Variants in ELF2 observed in about 807,000 individuals in gnomAD.
ELF2 encodes the protein ETS-related transcription factor Elf-2.
In ELF2, 11 loss-of-function variants were observed where a neutral mutation model predicts 54.8. The ratio of observed to expected loss-of-function variants is 0.20; its 90% CI spans 0.13 to 0.33. The LOEUF is 0.33. ELF2 is among the 10% of genes least tolerant of loss of function. The pLI is 1.00. For synonymous variants in ELF2, 203 were observed against 245.1 expected (o/e 0.83, Z 1.61); for missense variants, 513 against 703.0 (o/e 0.73, Z 3.06).
At chr4:139,066,079 T>A (rs1371647683) in intron 7 of ELF2, 1 of 142,508 alleles carries the variant, frequency 7.0e-6, no homozygotes, top group African/African-American at 2.6e-5. Context: ...CTGGAGACAA[T>A]TTTTTTTAAA....
At chr4:139,064,736 C>T (rs373208397) in intron 7 of ELF2, among the ~76,000 whole-genome samples, 36 of 151,968 alleles carry the variant, frequency 2.4e-4, no homozygotes, top group Non-Finnish European at 3.7e-4. Flanking sequence ...AAAAATTAGC[C>T]GGGCGTGGTG....
chr4:139,066,719 A>G (rs2148677346), intron 7 of ELF2: 1 of 150,768 alleles, frequency 6.6e-6, no homozygotes, highest in East Asian at 2.0e-4. Flanking sequence ...CAAGACCCCC[A>G]TCTCTTAAAA....
chr4:139,137,414 T>C (rs984520394), intron 3 of ELF2: 3 of 586,590 alleles, frequency 5.1e-6, no homozygotes, highest in East Asian at 5.6e-5. Flanking sequence ...TCCAAGTTCA[T>C]TCTAATATAT....
At chr4:139,083,989 C>A (rs1175475916) in intron 4 of ELF2, 5 of 1,354,668 alleles carry the variant, frequency 3.7e-6, no homozygotes, top group African/African-American at 2.9e-5. Flanking sequence ...TTCATTCACT[C>A]CCCCCTTTCC....
chr4:139,157,122 G>C (rs1161106685), intron 1 of ELF2, among the ~76,000 whole-genome samples: 1 of 152,092 alleles, frequency 6.6e-6, no homozygotes, highest in Non-Finnish European at 1.5e-5. Flanking sequence ...TACACACCTA[G>C]GCTACACAAT....
In ELF2 at chr4:139,084,410, ACGGCAGGGGCAGGGG is replaced by A. The variant is rs1291087720; in HGVS notation, c.239-10858_239-10844del. The A allele has an allele frequency of 9.7e-4, 1,257 of 1,298,968 alleles. 2 individuals carry two copies. The highest frequency in any genetic ancestry group is 8.9e-3 in the African/African-American group (585 of 65,436). The allele number at this position is 1,298,968 out of a possible 1,614,324, so 80.5% of individuals were successfully genotyped here. On this transcript the variant is annotated intron_variant, in intron 4 of 9. Transcript: ENST00000686138. ...CCGGGCTGAGAAACCCCACCACCTA[ACGGCAGGGGCAGGGG>A]CGGCAGGGGCAGGGGCGGCGGCGGC...
intron 4 of ELF2, among the ~76,000 whole-genome samples, chr4:139,117,203 C>T (rs968121584): frequency 1.3e-5 from 2 of 152,090 alleles, no homozygotes; most frequent in Non-Finnish European, 2.9e-5. Flanking sequence ...CACTTGACAG[C>T]CAATGTTTAT....
intron 4 of ELF2, among the ~76,000 whole-genome samples, chr4:139,123,866 T>C (rs1479971972): frequency 6.6e-6 from 1 of 152,212 alleles, no homozygotes; most frequent in Non-Finnish European, 1.5e-5. Flanking sequence ...CAAAATACTT[T>C]TAACTGTTCT....
At chr4:139,175,350 A>C (rs1260955266) in intron 1 of ELF2, among the ~76,000 whole-genome samples, 1 of 152,234 alleles carries the variant, frequency 6.6e-6, no homozygotes, top group Non-Finnish European at 1.5e-5. Context: ...TAAATCACTA[A>C]ACTTAAAAAT....
chr4:139,130,402 C>T (rs1737373187), intron 3 of ELF2, among the ~76,000 whole-genome samples: 1 of 152,190 alleles, frequency 6.6e-6, no homozygotes, highest in African/African-American at 2.4e-5. Context: ...CATTACTTAA[C>T]ATAAATTGAT....
chr4:139,069,922 T>C (rs572777214), intron 6 of ELF2, among the ~76,000 whole-genome samples: 1 of 152,042 alleles, frequency 6.6e-6, no homozygotes, highest in South Asian at 2.1e-4. Flanking sequence ...TTATGGCTCA[T>C]TGTAGCCTCC....
At chr4:139,151,966 T>C (rs979375296) in intron 1 of ELF2, among the ~76,000 whole-genome samples, 24 of 152,296 alleles carry the variant, frequency 1.6e-4, no homozygotes, top group East Asian at 1.9e-4. Flanking sequence ...ATTACACCAA[T>C]CATATCTGAA....
chr4:139,157,188 T>C (rs550563472), intron 1 of ELF2, among the ~76,000 whole-genome samples: 1 of 152,300 alleles, frequency 6.6e-6, no homozygotes, highest in South Asian at 2.1e-4. Context: ...TACTGAATAC[T>C]ATAGACAACT....
chr4:139,063,349 C>T lies in ELF2; in HGVS notation c.614-1292G>A, dbSNP rs984339896. ...CTTTCTACTGATTACACCCAATAGA[C>T]GGAAGATAATGTTTAAAGGATTTCA... On this transcript the variant is annotated intron_variant, in intron 7 of 9. Coordinates refer to ENST00000686138, the MANE Select transcript of ELF2 (RefSeq NM_001331036.3). Among the ~76,000 whole-genome samples the T allele has an allele frequency of 5.3e-5, 8 of 152,062 alleles. No individual in the cohort carries two copies. The East Asian group carries it at 5.8e-4, about 11-fold the overall frequency.
chr4:139,094,092 G>T (rs915651729), intron 4 of ELF2, among the ~76,000 whole-genome samples: 2 of 151,964 alleles, frequency 1.3e-5, no homozygotes, highest in African/African-American at 4.8e-5. Flanking sequence ...TAGAGACGGG[G>T]TTTCTCCATG....
chr4:139,084,456 C>CGGCGGCGGCGGCTGT (rs1731720739), intron 4 of ELF2: 2 of 1,147,484 alleles, frequency 1.7e-6, no homozygotes, highest in Non-Finnish European at 2.1e-6. Flanking sequence ...GCGGCGGCGG[C>CGGCGGCGGCGGCTGT]GGCGGCTGTG....
rs1036768636 is a variant in ELF2 at position 139,162,350 on chromosome 4, G to A, written c.-252+14617C>T. Among the ~76,000 whole-genome samples, 40 of 152,170 alleles carry A rather than the reference G, an allele frequency of 2.6e-4. 1 individual carries two copies. Among genetic ancestry groups the A allele is most frequent in the African/African-American group, 4.6e-4 (19 of 41,516 alleles). ...AGTTTGAGACCAGCCTGGCCAACAC[G>A]GTGAAACCCCGTCTCTACTAAACAT... On this transcript the variant is annotated intron_variant, in intron 1 of 9. Coordinates refer to ENST00000686138, the MANE Select transcript of ELF2 (RefSeq NM_001331036.3).
intron 3 of ELF2, among the ~76,000 whole-genome samples, chr4:139,130,052 C>T (rs1181646474): frequency 9.2e-5 from 14 of 152,072 alleles, no homozygotes; most frequent in African/African-American, 2.4e-5. Flanking sequence ...GAGCCCTCAC[C>T]CAATCTGACT....
chr4:139,102,616 G>A (rs988395684), intron 4 of ELF2, among the ~76,000 whole-genome samples: 2 of 151,640 alleles, frequency 1.3e-5, no homozygotes, highest in African/African-American at 2.4e-5. Context: ...TGAGGCAAGC[G>A]GATCATCTGA....
Sources: gnomAD v4.1 joint callset for allele counts (sites outside exome capture counted in the v4.1 genomes callset) on GRCh38, gnomAD v4.1.1 for gene constraint, MANE v1.5 for transcripts, NCBI Gene and HGNC (gene_info 2026-07-23, HGNC 2026-07-21) for gene names.